The following TRPM8 variants were observed in gnomAD, a reference collection of about 807,000 sequenced individuals.
TRPM8 encodes the protein transient receptor potential cation channel subfamily M member 8.
TRPM8 carries 110 observed loss-of-function variants against 133.7 expected under a neutral mutation model. The observed-to-expected ratio is 0.82, with a 90% CI of 0.70 to 0.96. The LOEUF (loss-of-function observed/expected upper bound fraction) is 0.96, where lower values mean the gene tolerates loss of function less well. TRPM8 is among the 40% of genes least tolerant of loss of function. The pLI, the probability that TRPM8 is intolerant of heterozygous loss-of-function variation, is 0.00. For synonymous variants in TRPM8, 535 were observed against 532.3 expected, an observed-to-expected ratio of 1.01 and a Z score of -0.07; for missense variants, 1,291 against 1,379.5, an observed-to-expected ratio of 0.94 and a Z score of 1.02.
At chr2:233,957,742 G>T (rs908438129) in intron 11 of TRPM8, among the ~76,000 whole-genome samples, 11 of 152,074 alleles carry the variant, frequency 7.2e-5, no homozygotes, top group African/African-American at 2.4e-4. Flanking sequence ...ATCTCTTCCC[G>T]ATTCCATATT....
chr2:233,936,352 G>A (rs1376966924), intron 3 of TRPM8, among the ~76,000 whole-genome samples: 2 of 152,188 alleles, frequency 1.3e-5, no homozygotes, highest in African/African-American at 2.4e-5. Context: ...CACTGACTGC[G>A]TTTCTTTTTA....
In TRPM8 at chr2:234,014,538, G is replaced by A. The variant is rs201755831; in HGVS notation, c.3265-24G>A. On this transcript the variant is annotated intron_variant, in intron 24 of 25. Transcript: ENST00000324695. ...AGTTGGAAAATTTATCTTAAGATGA[G>A]TTCTATTTTTTTCTCTTTCCAAGCT... is the stretch of plus-strand genomic sequence containing the variant. 1.2e-3 allele frequency: 1,757 copies of A among 1,481,160 alleles called. 2 individuals are homozygous for A. The highest frequency in any genetic ancestry group is 1.5e-3 in the Non-Finnish European group (1,630 of 1,103,504). The allele number at this position is 1,481,160 out of a possible 1,614,324, so 91.8% of individuals were successfully genotyped here.
intron 4 of TRPM8, among the ~76,000 whole-genome samples, chr2:233,938,340 C>A (rs796898623): frequency 2.6e-5 from 4 of 152,246 alleles, no homozygotes; most frequent in African/African-American, 4.8e-5. Flanking sequence ...CCACTCCCCC[C>A]AGTCTGCTTT....
chr2:233,982,223 C>G (rs948251462), intron 19 of TRPM8, among the ~76,000 whole-genome samples: 19 of 152,000 alleles, frequency 1.3e-4, no homozygotes, highest in African/African-American at 4.4e-4. Flanking sequence ...AGGGGAGGGA[C>G]TTTTATGCCA....
chr2:233,942,922 T>TA, intron 6 of TRPM8, 174 bp downstream of exon 6: 1 of 666,626 alleles, frequency 1.5e-6, no homozygotes, highest in Non-Finnish European at 2.6e-6. Flanking sequence ...ATGACGTACC[T>TA]AATTAACTGC....
At chr2:234,011,789 C>A (rs542767366) in intron 24 of TRPM8, among the ~76,000 whole-genome samples, 2 of 151,622 alleles carry the variant, frequency 1.3e-5, no homozygotes, top group African/African-American at 4.8e-5. Context: ...TGGTGGCAGG[C>A]ACCTGTAGTC....
At chr2:233,971,697 G>T (rs924548775) in intron 17 of TRPM8, among the ~76,000 whole-genome samples, 6 of 152,092 alleles carry the variant, frequency 3.9e-5, no homozygotes, top group African/African-American at 1.2e-4. Flanking sequence ...CCTTCTGGTG[G>T]GTTCGTGGTC....
At chr2:233,977,989 T>G (rs1046896800) in intron 17 of TRPM8, among the ~76,000 whole-genome samples, 16 of 152,222 alleles carry the variant, frequency 1.1e-4, no homozygotes, top group African/African-American at 3.9e-4. Flanking sequence ...TTCCACGACC[T>G]TCTTCATGCC....
intron 21 of TRPM8, among the ~76,000 whole-genome samples, chr2:233,994,568 C>A (rs1399354705): frequency 6.6e-6 from 1 of 152,194 alleles, no homozygotes; most frequent in Admixed American, 6.5e-5. Context: ...GGGATCCAGG[C>A]CCTAGTGTAG....
chr2:233,954,087 A>G, intron 10 of TRPM8, 68 bp downstream of exon 10: 1 of 1,124,704 alleles, frequency 8.9e-7, no homozygotes, highest in Non-Finnish European at 1.3e-6. Context: ...CATGACTTAC[A>G]TTTCTTTTAT....
chr2:234,014,343 C>G (rs552519891), intron 24 of TRPM8, among the ~76,000 whole-genome samples: 18 of 152,154 alleles, frequency 1.2e-4, no homozygotes, highest in African/African-American at 4.3e-4. Context: ...AATTGGTTTA[C>G]TAATTGGTTA....
intron 12 of TRPM8, among the ~76,000 whole-genome samples, chr2:233,962,373 T>A (rs1391931034): frequency 6.6e-6 from 1 of 152,180 alleles, no homozygotes; most frequent in Non-Finnish European, 1.5e-5. Context: ...GGGGCTAATC[T>A]CTAGTTATCC....
At chr2:233,978,088 T>G (rs1330785864) in intron 17 of TRPM8, among the ~76,000 whole-genome samples, 2 of 152,220 alleles carry the variant, frequency 1.3e-5, no homozygotes, top group East Asian at 1.9e-4. Flanking sequence ...TTGCTTTTTT[T>G]TTTTTTTAGA....
chr2:234,012,852 C>CT (rs1050165819), intron 24 of TRPM8, among the ~76,000 whole-genome samples: 13 of 151,426 alleles, frequency 8.6e-5, no homozygotes, highest in Non-Finnish European at 1.6e-4. Context: ...TTGTCAACTA[C>CT]TTTTTCTGTA....
At chr2:233,947,217 T>C (rs1691066054) in intron 8 of TRPM8, 62 bp downstream of exon 8, 1 of 1,603,420 alleles carries the variant, frequency 6.2e-7, no homozygotes, top group Non-Finnish European at 8.5e-7. Flanking sequence ...AATTTGTATT[T>C]TCAAGGATTT....
chr2:233,943,058 C>A, intron 6 of TRPM8: 6 of 342,908 alleles, frequency 1.7e-5, no homozygotes, highest in African/African-American at 2.3e-5. Context: ...TCAAAGCCAA[C>A]TGCAGTATCT....
intron 17 of TRPM8, among the ~76,000 whole-genome samples, chr2:233,975,562 C>T (rs1043732235): frequency 7.9e-5 from 12 of 152,222 alleles, no homozygotes; most frequent in South Asian, 2.1e-4. Flanking sequence ...CAAGTCCAGA[C>T]GTTGTTTGAC....
At position 233,951,126 on chromosome 2, in the gene TRPM8, A is replaced by G. The variant is rs529756057; in HGVS notation, c.1140+980A>G. On this transcript the variant is annotated intron_variant, in intron 9 of 25. Transcript: ENST00000324695. Reference sequence around the variant, plus strand: ...ATAGCACTAGTACCAGCTACTTGGTAGGTTGAGGTGGGAGAATCATTTGAG... The same window carrying G: ...ATAGCACTAGTACCAGCTACTTGGTGGGTTGAGGTGGGAGAATCATTTGAG... 1.9e-3 allele frequency among the ~76,000 whole-genome samples: 287 copies of G among 152,322 alleles called. 2 individuals are homozygous for G. The highest frequency in any genetic ancestry group is 6.8e-3 in the African/African-American group (281 of 41,574).
intron 2 of TRPM8, among the ~76,000 whole-genome samples, chr2:233,929,034 A>G (rs1691630346): frequency 7.2e-6 from 1 of 138,148 alleles, no homozygotes; most frequent in African/African-American, 3.1e-5. Context: ...ACTGTTTTTG[A>G]GATTCATCCA....
Sources: allele counts gnomAD v4.1 joint callset (sites outside exome capture counted in the v4.1 genomes callset), GRCh38; gene constraint gnomAD v4.1.1; transcripts MANE v1.5; gene names NCBI Gene and HGNC (gene_info 2026-07-23, HGNC 2026-07-21).